The following MON2 variants were observed in gnomAD, a reference collection of about 807,000 sequenced individuals.
MON2 encodes the protein protein MON2 homolog.
Under a neutral mutation model 208.6 loss-of-function variants are expected in MON2, and 84 were observed. That is an observed-to-expected ratio of 0.40 (90% CI 0.34 to 0.48). The LOEUF is 0.48. Among genes scored for constraint, MON2 ranks in the 20% least tolerant of loss-of-function variants. MON2 has a pLI of 0.59. For synonymous variants in MON2, 660 were observed against 694.0 expected (o/e 0.95, Z 0.77); for missense variants, 1,611 against 2,015.4 (o/e 0.80, Z 3.84).
Position 62,599,016 on chromosome 12 carries a change from C to T in MON2, c.*6267C>T, listed in dbSNP as rs2075578626. 1.3e-5 allele frequency: 2 copies of T among 152,062 alleles called. No individual in the cohort carries two copies. The highest frequency in any genetic ancestry group is 4.8e-5 in the African/African-American group (2 of 41,406). The allele number at this position is 152,062 out of a possible 1,614,324, so 9.4% of individuals were successfully genotyped here. Reference sequence around the variant, plus strand: ...TGAATATACTTTGTGTTTGCTTTCTCATCCCCGTTAAGTCTGAAACATTAT... The same window carrying T: ...TGAATATACTTTGTGTTTGCTTTCTTATCCCCGTTAAGTCTGAAACATTAT... On this transcript the variant is annotated 3_prime_UTR_variant, in exon 35 of 35. Transcript: ENST00000393630.
chr12:62,528,986 T>A (rs891705843), intron 11 of MON2, among the ~76,000 whole-genome samples: 3 of 152,180 alleles, frequency 2.0e-5, no homozygotes, highest in Non-Finnish European at 4.4e-5. Flanking sequence ...TAGTTACCTT[T>A]TCTGCTCCTC....
At chr12:62,491,203 T>C (rs1236624442) in intron 2 of MON2, among the ~76,000 whole-genome samples, 2 of 152,182 alleles carry the variant, frequency 1.3e-5, no homozygotes, top group Non-Finnish European at 2.9e-5. Context: ...GTAAGATGAA[T>C]AAAGCACCAG....
chr12:62,471,464 G>A (rs545765172), intron 1 of MON2, among the ~76,000 whole-genome samples: 2 of 152,202 alleles, frequency 1.3e-5, no homozygotes, highest in African/African-American at 4.8e-5. Flanking sequence ...GATAGCAGGC[G>A]TGAGCCACCA....
Position 62,538,270 on chromosome 12 carries a change from A to T in MON2, c.2218A>T (p.Met740Leu). The change falls in exon 18 of 35, where the codon ATG becomes TTG. Residue 740 changes from methionine (M) to leucine (L), a missense_variant. By Grantham distance (15) the Met-to-Leu change is conservative (BLOSUM62 2). Coordinates refer to ENST00000393630, the MANE Select transcript of MON2 (RefSeq NM_015026.3). ...TTCTCAGGTTCTAACAACAGCAGTGATGACAGATTTACCAGTGATTTCCAA... is the reference window on the plus strand; with the variant it reads ...TTCTCAGGTTCTAACAACAGCAGTGTTGACAGATTTACCAGTGATTTCCAA... ...GPSTVLTTAV[M>L]TDLPVISNIL... The T allele has an allele frequency of 6.2e-7, 1 of 1,613,648 alleles. No homozygotes were observed.
intron 29 of MON2, among the ~76,000 whole-genome samples, chr12:62,570,293 T>G (rs1426517283): frequency 6.6e-6 from 1 of 152,188 alleles, no homozygotes; most frequent in Non-Finnish European, 1.5e-5. Context: ...TCTTAAATTA[T>G]CAGTTTTACT....
At chr12:62,495,258 C>A in intron 4 of MON2, 111 bp downstream of exon 4, 2 of 887,976 alleles carry the variant, frequency 2.3e-6, no homozygotes, top group Non-Finnish European at 3.3e-6. Flanking sequence ...TTCCCTACAG[C>A]TATGGTGATG....
intron 4 of MON2, among the ~76,000 whole-genome samples, chr12:62,495,918 TA>T (rs1346469062): frequency 6.6e-6 from 1 of 152,074 alleles, no homozygotes; most frequent in Non-Finnish European, 1.5e-5. Flanking sequence ...TTGGAACATG[TA>T]AGAGCCATTC....
intron 12 of MON2, among the ~76,000 whole-genome samples, chr12:62,532,943 C>A (rs1047174494): frequency 1.3e-5 from 2 of 152,118 alleles, no homozygotes; most frequent in East Asian, 3.9e-4. Context: ...TATCATAGTA[C>A]AATCACCATC....
At chr12:62,502,478 T>A (rs2070893677) in intron 7 of MON2, among the ~76,000 whole-genome samples, 1 of 152,044 alleles carries the variant, frequency 6.6e-6, no homozygotes. Context: ...TATAACAGTT[T>A]AGTGTTACAT....
chr12:62,501,773 T>A, intron 7 of MON2, 75 bp downstream of exon 7: 1 of 1,554,284 alleles, frequency 6.4e-7, no homozygotes, highest in Non-Finnish European at 8.8e-7. Context: ...AAGCAACGTG[T>A]ATTTTTTTTC....
chr12:62,567,651 A>G (rs900154508), intron 29 of MON2, among the ~76,000 whole-genome samples: 1 of 152,214 alleles, frequency 6.6e-6, no homozygotes, highest in East Asian at 1.9e-4. Context: ...TTACCTCACC[A>G]AAACTATCCT....
chr12:62,497,051 G>C (rs935915108), intron 4 of MON2, among the ~76,000 whole-genome samples: 2 of 141,260 alleles, frequency 1.4e-5, no homozygotes, highest in Admixed American at 7.3e-5. Flanking sequence ...GTAAACTATC[G>C]CAAGAACAAA....
At chr12:62,484,116 A>G in intron 1 of MON2, 54 bp from the exon 2 acceptor site, 2 of 1,267,216 alleles carry the variant, frequency 1.6e-6, no homozygotes, top group Non-Finnish European at 2.3e-6. Flanking sequence ...TATTTTCCAT[A>G]GATAATTCAT....
Position 62,598,999 on chromosome 12 carries a change from C to T in MON2, c.*6250C>T, listed in dbSNP as rs2075578457. On this transcript the variant is annotated 3_prime_UTR_variant, in exon 35 of 35. Transcript: ENST00000393630. ...GTGATTCATTTTTTTCTTGAATATA[C>T]TTTGTGTTTGCTTTCTCATCCCCGT... is the stretch of plus-strand genomic sequence containing the variant. 1 of 151,934 alleles carries T rather than the reference C, an allele frequency of 6.6e-6. No individual in the cohort carries two copies. The highest frequency in any genetic ancestry group is 1.5e-5 in the Non-Finnish European group (1 of 67,982). The allele number at this position is 151,934 out of a possible 1,614,324, so 9.4% of individuals were successfully genotyped here.
chr12:62,567,257 C>A (rs2074418227), intron 29 of MON2, among the ~76,000 whole-genome samples: 1 of 152,194 alleles, frequency 6.6e-6, no homozygotes, highest in Non-Finnish European at 1.5e-5. Context: ...CCCAACCTTT[C>A]TTCATTGGTG....
At chr12:62,517,310 T>A (rs1180816264) in intron 8 of MON2, among the ~76,000 whole-genome samples, 1 of 152,230 alleles carries the variant, frequency 6.6e-6, no homozygotes, top group African/African-American at 2.4e-5. Flanking sequence ...CCTAGTTACA[T>A]CTTCATAGTA....
chr12:62,557,368 G>A (rs1479361438), intron 25 of MON2, among the ~76,000 whole-genome samples: 1 of 152,168 alleles, frequency 6.6e-6, no homozygotes, highest in Non-Finnish European at 1.5e-5. Flanking sequence ...CATAACTGGG[G>A]AAGGTTGAGC....
intron 1 of MON2, among the ~76,000 whole-genome samples, chr12:62,472,005 A>G (rs2068812570): frequency 1.3e-5 from 2 of 152,288 alleles, no homozygotes; most frequent in South Asian, 4.2e-4. Flanking sequence ...ATTAAGTGAT[A>G]AAAGAAGTAG....
Position 62,545,018 on chromosome 12 carries a change from A to G in MON2, c.2577+10A>G, listed in dbSNP as rs750359866. On this transcript the variant is annotated intron_variant, in intron 21 of 34. Transcript: ENST00000393630. ...ACTCTCACAAAACCAGGTAATAAAA[A>G]CCTTACTTTTTAAAAAGAATACTCA... The G allele has an allele frequency of 4.6e-5, 70 of 1,521,054 alleles. No homozygotes were observed. Among genetic ancestry groups the G allele is most frequent in the Admixed American group, 6.4e-5 (3 of 46,776 alleles). The allele number at this position is 1,521,054 out of a possible 1,614,324, so 94.2% of individuals were successfully genotyped here.
Sources: allele counts gnomAD v4.1 joint callset (sites outside exome capture counted in the v4.1 genomes callset), GRCh38; gene constraint gnomAD v4.1.1; transcripts MANE v1.5; gene names NCBI Gene and HGNC (gene_info 2026-07-23, HGNC 2026-07-21).